Variants in HIVEP3 observed in about 807,000 individuals in gnomAD.
HIVEP3 encodes HIVEP zinc finger 3, also known as transcription factor HIVEP3.
HIVEP3 carries 49 observed loss-of-function variants against 152.8 expected under a neutral mutation model. That is an observed-to-expected ratio of 0.32 (90% CI 0.26 to 0.41). The LOEUF (loss-of-function observed/expected upper bound fraction) is 0.41. Among genes scored for constraint, HIVEP3 ranks in the 10% least tolerant of loss-of-function variants. The pLI, the probability that HIVEP3 is intolerant of heterozygous loss-of-function variation, is 1.00. For synonymous variants in HIVEP3, 1,269 were observed against 1,289.0 expected (o/e 0.98, Z 0.33); for missense variants, 2,790 against 3,103.3 (o/e 0.90, Z 2.40).
intron 1 of HIVEP3, among the ~76,000 whole-genome samples, chr1:41,867,123 G>A (rs1643991600): frequency 6.6e-6 from 1 of 152,136 alleles, no homozygotes; most frequent in Admixed American, 6.5e-5. Flanking sequence ...CTCCCTCTTA[G>A]AGAGGGGACA....
intron 3 of HIVEP3, among the ~76,000 whole-genome samples, chr1:41,623,744 G>T (rs1333812961): frequency 6.6e-6 from 1 of 152,152 alleles, no homozygotes; most frequent in Non-Finnish European, 1.5e-5. Context: ...CCCCACGCCG[G>T]TCTCTCACAA....
At chr1:41,939,817 C>T (rs1207065830) in intron 1 of HIVEP3, among the ~76,000 whole-genome samples, 1 of 152,124 alleles carries the variant, frequency 6.6e-6, no homozygotes. Context: ...CAGTACTTGC[C>T]TGAGTTATTA....
At chr1:41,774,907 C>CA (rs1448059682) in intron 1 of HIVEP3, among the ~76,000 whole-genome samples, 1 of 151,964 alleles carries the variant, frequency 6.6e-6, no homozygotes, top group Non-Finnish European at 1.5e-5. Context: ...GTGATCCTCC[C>CA]ACCTCAGCTT....
intron 3 of HIVEP3, among the ~76,000 whole-genome samples, chr1:41,618,533 C>T (rs1010961870): frequency 6.6e-6 from 1 of 152,192 alleles, no homozygotes; most frequent in Non-Finnish European, 1.5e-5. Context: ...CTGCCATCCT[C>T]GGGCACCACT....
At chr1:41,594,058 C>T (rs1196430155) in intron 3 of HIVEP3, among the ~76,000 whole-genome samples, 1 of 151,946 alleles carries the variant, frequency 6.6e-6, no homozygotes, top group Non-Finnish European at 1.5e-5. Flanking sequence ...ACATTGAGTC[C>T]ACCTGGATAA....
At chr1:41,611,549 G>T (rs771124433) in intron 3 of HIVEP3, among the ~76,000 whole-genome samples, 5 of 152,268 alleles carry the variant, frequency 3.3e-5, no homozygotes, top group Non-Finnish European at 5.9e-5. Context: ...CATGCGCCCA[G>T]GGGCACACAT....
At chr1:41,760,512 G>A (rs749896115) in intron 1 of HIVEP3, among the ~76,000 whole-genome samples, 3 of 152,194 alleles carry the variant, frequency 2.0e-5, no homozygotes, top group Non-Finnish European at 4.4e-5. Context: ...ACTTTGCTGA[G>A]TTTGACTTGA....
In HIVEP3 at chr1:41,803,416, C is replaced by T. The variant is rs1650419092; in HGVS notation, c.-800-102421G>A. Among the ~76,000 whole-genome samples, 3 of 152,336 alleles carry T rather than the reference C, an allele frequency of 2.0e-5. No homozygotes were observed. The South Asian group carries it at 6.2e-4, about 32-fold the overall frequency. On this transcript the variant is annotated intron_variant, in intron 1 of 8. Coordinates refer to ENST00000372583, the MANE Select transcript of HIVEP3 (RefSeq NM_024503.5). ...AGGCCCCACCTTCTCAGTCTCTGAT[C>T]CAGCTACTAATGACCCCAACTGCAA...
intron 1 of HIVEP3, among the ~76,000 whole-genome samples, chr1:41,770,923 A>C (rs539700405): frequency 2.0e-5 from 3 of 152,256 alleles, no homozygotes; most frequent in African/African-American, 7.2e-5. Context: ...TGAAAGGTAC[A>C]CCAGAACTCT....
intron 5 of HIVEP3, among the ~76,000 whole-genome samples, chr1:41,527,475 TTC>T (rs1643025902): frequency 1.6e-5 from 1 of 64,060 alleles, no homozygotes; most frequent in Non-Finnish European, 3.2e-5. Context: ...CACACTCACC[TTC>T]ATACTCACAC....
rs750535474 is a variant in HIVEP3, at chr1:41,583,445, C to G, written c.1353G>C (p.Leu451=). 1.9e-5 allele frequency: 30 copies of G among 1,613,800 alleles called. No homozygotes were observed. In the South Asian group the frequency reaches 3.1e-4, roughly 17 times the overall value. ...LPLSTEDKPS[L]VPLSVPRTQV... ...GCGTCCGGGGTACAGACAAAGGCAC[C>G]AGGCTGGGCTTGTCTTCGGTGGACA... is the stretch of plus-strand genomic sequence containing the variant. Residue 451 remains leucine, a synonymous_variant, in exon 4 of 9, where the codon CTG becomes CTC. Coordinates refer to ENST00000372583, the MANE Select transcript of HIVEP3 (RefSeq NM_024503.5). This position sits in a 1 kb window ranked among gnomAD's most constrained non-coding sequence, Gnocchi z 6.9.
intron 1 of HIVEP3, among the ~76,000 whole-genome samples, chr1:41,728,043 C>G (rs979691502): frequency 1.3e-5 from 2 of 152,172 alleles, no homozygotes; most frequent in Admixed American, 6.5e-5. Flanking sequence ...TATTGTTGAA[C>G]AAGAATGCAT....
intron 3 of HIVEP3, among the ~76,000 whole-genome samples, chr1:41,613,334 G>A (rs753464578): frequency 7.9e-5 from 12 of 152,258 alleles, no homozygotes; most frequent in Admixed American, 3.3e-4. Flanking sequence ...TTTGGAACGC[G>A]TGGGGCGGGT....
At chr1:41,548,692 T>A (rs1643863326) in intron 5 of HIVEP3, among the ~76,000 whole-genome samples, 1 of 152,060 alleles carries the variant, frequency 6.6e-6, no homozygotes, top group Non-Finnish European at 1.5e-5. Flanking sequence ...TGTGCCACCA[T>A]GCTGGCCAAT....
intron 2 of HIVEP3, among the ~76,000 whole-genome samples, chr1:41,694,028 C>T (rs1284942254): frequency 6.6e-6 from 1 of 152,082 alleles, no homozygotes. Flanking sequence ...TTTTTCTAGG[C>T]CATTCATCCA....
At chr1:41,895,003 C>G (rs1167389987) in intron 1 of HIVEP3, among the ~76,000 whole-genome samples, 1 of 152,032 alleles carries the variant, frequency 6.6e-6, no homozygotes, top group Non-Finnish European at 1.5e-5. Flanking sequence ...AACCACCCCC[C>G]AGAAAACACA....
At chr1:41,693,184 C>T (rs1180222209) in intron 2 of HIVEP3, among the ~76,000 whole-genome samples, 2 of 152,150 alleles carry the variant, frequency 1.3e-5, no homozygotes, top group African/African-American at 2.4e-5. Context: ...ACACATAAAC[C>T]TTGGGCACTT....
chr1:41,591,210 C>T (rs1280597584), intron 3 of HIVEP3, among the ~76,000 whole-genome samples: 3 of 152,090 alleles, frequency 2.0e-5, no homozygotes, highest in Non-Finnish European at 4.4e-5. Flanking sequence ...CTGGGGTTAC[C>T]ATGTATGTAA....
At chr1:41,717,891 G>A (rs576094639) in intron 1 of HIVEP3, among the ~76,000 whole-genome samples, 10 of 152,286 alleles carry the variant, frequency 6.6e-5, no homozygotes, top group Non-Finnish European at 4.4e-5. Flanking sequence ...CCTAGCTCAC[G>A]GCAGGCTCTG....
Sources: gnomAD v4.1 joint callset for allele counts (sites outside exome capture counted in the v4.1 genomes callset) on GRCh38, gnomAD v4.1.1 for gene constraint, Gnocchi (gnomAD v3.1) non-coding constraint, MANE v1.5 for transcripts, NCBI Gene and HGNC (gene_info 2026-07-23, HGNC 2026-07-21) for gene names.